Variants in GTF3C1 observed in about 807,000 individuals in gnomAD.
The protein encoded by GTF3C1 is general transcription factor 3C polypeptide 1.
A neutral mutation model predicts 226.7 loss-of-function variants in GTF3C1; 57 were observed. The observed-to-expected ratio is 0.25, with a 90% CI of 0.20 to 0.31. GTF3C1 has a LOEUF of 0.31. Among genes scored for constraint, GTF3C1 ranks in the 10% least tolerant of loss-of-function variants. The pLI, the probability that GTF3C1 is intolerant of heterozygous loss-of-function variation, is 1.00. For synonymous variants in GTF3C1, 1,090 were observed against 1,084.8 expected, an observed-to-expected ratio of 1.00 and a Z score of -0.09; for missense variants, 2,217 against 2,776.1, an observed-to-expected ratio of 0.80 and a Z score of 4.53.
At chr16:27,505,785 C>T (rs375729924) in intron 10 of GTF3C1, 114 bp downstream of exon 10, 194 of 697,676 alleles carry the variant, frequency 2.8e-4, no homozygotes, top group Middle Eastern at 2.2e-3. Flanking sequence ...GGCCTCGGCA[C>T]GCAGCACTCT....
chr16:27,527,143 G>C, intron 6 of GTF3C1, among the ~76,000 whole-genome samples: 1 of 152,242 alleles, frequency 6.6e-6, no homozygotes, highest in East Asian at 1.9e-4. Context: ...GGGAGATCAA[G>C]GCTGTGGTGA....
At chr16:27,527,991 A>G (rs1447671609) in intron 6 of GTF3C1, among the ~76,000 whole-genome samples, 1 of 148,616 alleles carries the variant, frequency 6.7e-6, no homozygotes, top group Non-Finnish European at 1.5e-5. Context: ...AAAAAAAAAG[A>G]GGCTGAGTGT....
intron 3 of GTF3C1, 42 bp from the exon 4 acceptor site, chr16:27,537,969 T>C: frequency 6.2e-7 from 1 of 1,601,460 alleles, no homozygotes; most frequent in Non-Finnish European, 8.5e-7. Flanking sequence ...TTGCTGGTAG[T>C]TTTATCAATG....
intron 1 of GTF3C1, among the ~76,000 whole-genome samples, chr16:27,548,655 C>A (rs1245520028): frequency 6.6e-6 from 1 of 152,214 alleles, no homozygotes; most frequent in Admixed American, 6.6e-5. Context: ...GGGTTCAAAT[C>A]AATTCTTAGT....
At chr16:27,472,057 T>A in intron 29 of GTF3C1, 137 bp from the exon 30 acceptor site, 1 of 681,068 alleles carries the variant, frequency 1.5e-6, no homozygotes, top group Non-Finnish European at 2.6e-6. Flanking sequence ...CTGGCGTATG[T>A]GTGTGTCAGT....
Position 27,549,656 on chromosome 16 carries a change from G to GCCCC in GTF3C1, c.221+13_221+14insGGGG. On this transcript the variant is annotated intron_variant, in intron 1 of 36. Transcript: ENST00000356183. ...GCCCGCCCGCCCGCCCGCCAGGCCA[G>GCCCC]GCCGCCCGCTGACCGGTCCTGGAGC... 2.6e-6 allele frequency: 2 copies of GCCCC among 765,214 alleles called. No individual in the cohort carries two copies. The highest frequency in any genetic ancestry group is 4.0e-6 in the Non-Finnish European group (2 of 503,896). 47.4% of individuals were successfully genotyped at this position (765,214 alleles called of 1,614,324 possible).
At chr16:27,483,235 A>T in intron 25 of GTF3C1, 110 bp from the exon 26 acceptor site, 1 of 1,020,298 alleles carries the variant, frequency 9.8e-7, no homozygotes, top group Admixed American at 2.0e-5. Flanking sequence ...ACCTTGAAGC[A>T]TGAGTTACTT....
At chr16:27,519,005 C>A (rs2088704990) in intron 6 of GTF3C1, among the ~76,000 whole-genome samples, 1 of 152,204 alleles carries the variant, frequency 6.6e-6, no homozygotes, top group Non-Finnish European at 1.5e-5. Flanking sequence ...GCCAGCCATG[C>A]TGGGAAATGT....
Position 27,502,966 on chromosome 16 carries a change from C to T in GTF3C1, c.1800G>A (p.Arg600=). The change falls in exon 11 of 37, where the codon AGG becomes AGA. Residue 600 remains arginine, a synonymous_variant. Coordinates refer to ENST00000356183, the MANE Select transcript of GTF3C1 (RefSeq NM_001520.4). ...GTGGTTTGTCTTGGCCTGAGCTGTG[C>T]CTCCCAGTCTTCAGGGAACTGCTAC... ...KESSSSLKTG[R]HSSGQDKPHE... 6.2e-7 allele frequency: 1 copy of T among 1,612,096 alleles called. No individual in the cohort carries two copies. Among genetic ancestry groups the T allele is most frequent in the Non-Finnish European group, 8.5e-7 (1 of 1,178,150 alleles).
In GTF3C1 at chr16:27,469,383, T is replaced by C; in HGVS notation, c.4982A>G (p.Asn1661Ser). Residue 1661 changes from asparagine to serine, a missense_variant, in exon 32 of 37, where the codon AAC (asparagine) becomes AGC (serine). Physicochemically the swap from Asn to Ser is conservative, Grantham distance 46. Around this residue, in one of 12 missense-constraint regions of GTF3C1, gnomAD observed 455 missense variants for 441.9 expected, o/e 1.03. Transcript: ENST00000356183. The surrounding 1 kb of genome is among the most constrained non-coding windows in gnomAD (Gnocchi z 4.5). ...CACAATGCTGTCGTTGGGGTTGAGG[T>C]TGCGGGTGCTGACGATGCCGGGGGA... Reference protein sequence around the residue: ...YYSPGIVSTRNLNPNDSIVVN... With the variant: ...YYSPGIVSTRSLNPNDSIVVN... 2 of 1,612,726 alleles carry C rather than the reference T, an allele frequency of 1.2e-6. No homozygotes were observed.
Position 27,492,363 on chromosome 16 carries a change from C to G in GTF3C1, c.3126G>C (p.Gln1042His). 2 of 1,607,258 alleles carry G rather than the reference C, an allele frequency of 1.2e-6. No individual in the cohort carries two copies. The highest frequency in any genetic ancestry group is 1.7e-6 in the Non-Finnish European group (2 of 1,175,836). The change falls in exon 19 of 37, where the codon CAG becomes CAC. Residue 1042 changes from glutamine (Q) to histidine (H), a missense_variant. Physicochemically the swap from Gln to His is conservative, Grantham distance 24. This residue lies in a region of GTF3C1 where 353 missense variants were observed against 411.7 expected (regional missense o/e 0.86). Transcript: ENST00000356183. The surrounding 1 kb of genome is among the most constrained non-coding windows in gnomAD (Gnocchi z 5.0). ...QDVENYWFDL[Q>H]CVCLNTPLGV... ...CTAGTGGGGTGTTGAGGCAGACGCA[C>G]TGCAGGTCAAACCAGTAGTTTTCCA...
intron 5 of GTF3C1, among the ~76,000 whole-genome samples, chr16:27,531,893 C>A (rs182085771): frequency 2.8e-4 from 43 of 152,314 alleles, no homozygotes; most frequent in African/African-American, 8.9e-4. Flanking sequence ...CTCCATCTAT[C>A]TTTGATTTTC....
chr16:27,470,497 G>A lies in GTF3C1; in HGVS notation c.4527-102C>T. 1.1e-6 allele frequency: 1 copy of A among 879,140 alleles called. No homozygotes were observed. The highest frequency in any genetic ancestry group is 1.8e-6 in the Non-Finnish European group (1 of 555,996). The allele number at this position is 879,140 out of a possible 1,614,324, so 54.5% of individuals were successfully genotyped here. A position where few individuals can be genotyped will look rare whatever the true frequency, so the allele number is the denominator to read the frequency against. ...GTCAAACCATTATGGTGAGAACTAAGCAAAACGCCCCACTTCTTCCCTAAA... is the reference window on the plus strand; with the variant it reads ...GTCAAACCATTATGGTGAGAACTAAACAAAACGCCCCACTTCTTCCCTAAA... On this transcript the variant is annotated intron_variant, in intron 30 of 36. Transcript: ENST00000356183. The surrounding 1 kb of genome is among the most constrained non-coding windows in gnomAD (Gnocchi z 4.9).
chr16:27,484,759 TTA>T (rs2088110010), intron 24 of GTF3C1, among the ~76,000 whole-genome samples: 1 of 152,224 alleles, frequency 6.6e-6, no homozygotes, highest in Non-Finnish European at 1.5e-5. Context: ...TGCTTGTATG[TTA>T]TGTTAGTAGA....
In GTF3C1 at chr16:27,505,883, C is replaced by T. The variant is rs2088476662; in HGVS notation, c.1770+16G>A. On this transcript the variant is annotated intron_variant, in intron 10 of 36. Coordinates refer to ENST00000356183, the MANE Select transcript of GTF3C1 (RefSeq NM_001520.4). The stretch of plus-strand genomic sequence containing the variant: ...CTCCTTCTTGGAGACAGCTCCCTCC[C>T]TCTGCATGCACTGACCTTTGGGTTT... 5 of 1,429,990 alleles carry T rather than the reference C, an allele frequency of 3.5e-6. No homozygotes were observed. The Admixed American group carries it at 5.0e-5, about 14-fold the overall frequency. The allele number at this position is 1,429,990 out of a possible 1,614,324, so 88.6% of individuals were successfully genotyped here.
At chr16:27,544,090 A>G (rs2089129035) in intron 2 of GTF3C1, among the ~76,000 whole-genome samples, 1 of 152,170 alleles carries the variant, frequency 6.6e-6, no homozygotes, top group African/African-American at 2.4e-5. Context: ...GGAAAGCTTC[A>G]GTAGAAATCA....
intron 12 of GTF3C1, among the ~76,000 whole-genome samples, chr16:27,499,788 C>T (rs1051325285): frequency 3.9e-5 from 6 of 152,218 alleles, no homozygotes; most frequent in African/African-American, 1.2e-4. Flanking sequence ...GACACAGGAG[C>T]AAAGGCAAAA....
chr16:27,535,679 C>G (rs1007609569), intron 4 of GTF3C1, among the ~76,000 whole-genome samples: 1 of 151,754 alleles, frequency 6.6e-6, no homozygotes, highest in African/African-American at 2.4e-5. Context: ...CTTCTGAGGT[C>G]GGGAGTTCAA....
At chr16:27,479,432 T>C (rs2088005405) in intron 27 of GTF3C1, among the ~76,000 whole-genome samples, 1 of 152,230 alleles carries the variant, frequency 6.6e-6, no homozygotes, top group Non-Finnish European at 1.5e-5. Context: ...TGGCCATTTG[T>C]AGGACATTTC....
Sources: allele counts gnomAD v4.1 joint callset (sites outside exome capture counted in the v4.1 genomes callset), GRCh38; gene constraint gnomAD v4.1.1; regional missense constraint gnomAD v4.1.1; non-coding constraint Gnocchi (gnomAD v3.1); transcripts MANE v1.5; gene names NCBI Gene and HGNC (gene_info 2026-07-23, HGNC 2026-07-21).